The following IL12A variants were observed in gnomAD, a reference collection of about 807,000 sequenced individuals.
IL12A encodes the protein interleukin 12A.
IL12A carries 16 observed loss-of-function variants against 23.5 expected under a neutral mutation model. The observed-to-expected ratio is 0.68, with a 90% confidence interval of 0.46 to 1.03. The LOEUF (loss-of-function observed/expected upper bound fraction) is 1.03. Among genes scored for constraint, IL12A ranks in the 50% least tolerant of loss-of-function variants. The pLI is 0.00. For synonymous variants in IL12A, 106 were observed against 111.5 expected (o/e 0.95, Z 0.31); for missense variants, 275 against 307.0 (o/e 0.90, Z 0.78).
At chr3:159,994,578 T>TTGTGTG (rs1720429684) in intron 6 of IL12A, among the ~76,000 whole-genome samples, 1 of 90,534 alleles carries the variant, frequency 1.1e-5, no homozygotes, top group Non-Finnish European at 2.4e-5. Flanking sequence ...TTTATTCTTT[T>TTGTGTG]CGTGTGTGTG....
intron 6 of IL12A, 59 bp downstream of exon 6, chr3:159,993,903 G>A (rs988377448): frequency 6.4e-7 from 1 of 1,569,600 alleles, no homozygotes; most frequent in Non-Finnish European, 8.7e-7. Context: ...ACCAGCCAGG[G>A]TCTTTGATAA....
At chr3:159,991,083 A>G (rs1019611168) in intron 2 of IL12A, among the ~76,000 whole-genome samples, 27 of 152,294 alleles carry the variant, frequency 1.8e-4, no homozygotes, top group African/African-American at 4.3e-4. Flanking sequence ...TCCCCTTTCA[A>G]TCTTTCATAA....
In IL12A at chr3:159,993,479, C is replaced by T. The variant is rs1315907932; in HGVS notation, c.407C>T (p.Thr136Ile). The change falls in exon 4 of 7, where the codon ACC becomes ATC. Residue 136 changes from threonine to isoleucine, a missense_variant. Transcript: ENST00000305579. ...GAGAGTTGCCTAAATTCCAGAGAGACCTCTTTCATAACTGTAAGTCAAAAA... is the reference window on the plus strand; with the variant it reads ...GAGAGTTGCCTAAATTCCAGAGAGATCTCTTTCATAACTGTAAGTCAAAAA... The T allele has an allele frequency of 1.9e-6, 3 of 1,612,914 alleles. No homozygotes were observed. The highest frequency in any genetic ancestry group is 2.5e-6 in the Non-Finnish European group (3 of 1,178,980).
intron 6 of IL12A, among the ~76,000 whole-genome samples, chr3:159,995,097 T>G (rs1007892780): frequency 1.3e-5 from 2 of 152,164 alleles, no homozygotes; most frequent in South Asian, 4.1e-4. Flanking sequence ...ATTAATTAGA[T>G]ATTGCAGCAG....
Position 159,990,207 on chromosome 3 carries a change from C to T in IL12A, c.159C>T (p.Leu53=), listed in dbSNP as rs1318535700. The T allele has an allele frequency of 6.2e-7, 1 of 1,614,110 alleles. No homozygotes were observed. Among genetic ancestry groups the T allele is most frequent in the Non-Finnish European group, 8.5e-7 (1 of 1,180,010 alleles). The stretch of plus-strand genomic sequence containing the variant: ...CTACCCTGGTCCTCCTGGACCACCT[C>T]AGTTTGGCCAGAAACCTCCCCGTGG... The change falls in exon 2 of 7, where the codon CTC becomes CTT. Residue 53 remains leucine (L), a synonymous_variant. Transcript: ENST00000305579.
chr3:159,989,481 C>T lies in IL12A; in HGVS notation c.118+307C>T, dbSNP rs540264423. Among the ~76,000 whole-genome samples the T allele has an allele frequency of 3.9e-5, 6 of 152,304 alleles. No individual in the cohort carries two copies. In the East Asian group the frequency reaches 1.2e-3, roughly 29 times the overall value. On this transcript the variant is annotated intron_variant, in intron 1 of 6. Transcript: ENST00000305579. ...CTACAAACAGAAGGCAGATCCTAGC[C>T]AGTTCTAAAGTCAGGCTTGGCCGGG... is the stretch of plus-strand genomic sequence containing the variant.
Position 159,989,195 on chromosome 3 carries a change from G to C in IL12A, c.118+21G>C, listed in dbSNP as rs141519443. On this transcript the variant is annotated intron_variant, in intron 1 of 6. Coordinates refer to ENST00000305579, the MANE Select transcript of IL12A (RefSeq NM_000882.4). ...GCGCAGTGAGTACTCAGCCCGCCAG[G>C]TCTTTGGCTCGCTCGGGTGCGGAGG... 375 of 1,598,132 alleles carry C rather than the reference G, an allele frequency of 2.3e-4. 1 individual carries two copies. In the African/African-American group the frequency reaches 4.5e-3, roughly 19 times the overall value.
intron 2 of IL12A, 78 bp downstream of exon 2, chr3:159,990,390 C>A: frequency 1.4e-6 from 2 of 1,403,130 alleles, no homozygotes; most frequent in Non-Finnish European, 2.0e-6. Context: ...CCTCTGGTAC[C>A]TGATGGAACT....
intron 6 of IL12A, chr3:159,994,114 A>G: frequency 2.6e-6 from 1 of 383,332 alleles, no homozygotes; most frequent in South Asian, 3.3e-5. Context: ...TCAGCCTCAA[A>G]ACAACCATAT....
At chr3:159,992,145 C>G (rs1157190059) in intron 2 of IL12A, among the ~76,000 whole-genome samples, 1 of 152,190 alleles carries the variant, frequency 6.6e-6, no homozygotes, top group Non-Finnish European at 1.5e-5. Flanking sequence ...TTGGCTCATG[C>G]TGTTACCTCT....
chr3:159,993,236 C>A, intron 3 of IL12A, 111 bp downstream of exon 3: 1 of 754,564 alleles, frequency 1.3e-6, no homozygotes, highest in Non-Finnish European at 2.2e-6. Flanking sequence ...GGGATTTTAA[C>A]TGGTCCTACT....
chr3:159,989,693 A>G (rs1577555663), intron 1 of IL12A, among the ~76,000 whole-genome samples: 1 of 152,304 alleles, frequency 6.6e-6, no homozygotes, highest in South Asian at 2.1e-4. Context: ...TAAGGCAGGG[A>G]AAATTGCTTG....
In IL12A at chr3:159,993,453, T is replaced by C; in HGVS notation, c.381T>C (p.Asn127=). ...GATATATGATTTTTTCCCTCTAGAA[T>C]GAGAGTTGCCTAAATTCCAGAGAGA... Residue 127 remains asparagine, a splice_region_variant and synonymous_variant, in exon 4 of 7, where the codon AAT becomes AAC. Transcript: ENST00000305579. The C allele has an allele frequency of 6.2e-7, 1 of 1,607,130 alleles. No homozygotes were observed. Among genetic ancestry groups the C allele is most frequent in the Non-Finnish European group, 8.5e-7 (1 of 1,173,792 alleles).
chr3:159,990,192 C>T lies in IL12A; in HGVS notation c.144C>T (p.Val48=), dbSNP rs1304650224. 6.2e-7 allele frequency: 1 copy of T among 1,614,132 alleles called. No homozygotes were observed. The highest frequency in any genetic ancestry group is 1.1e-5 in the South Asian group (1 of 91,072). ...GCCTCCTCCTTGTGGCTACCCTGGT[C>T]CTCCTGGACCACCTCAGTTTGGCCA... The change falls in exon 2 of 7, where the codon GTC becomes GTT. Residue 48 remains valine (V), a synonymous_variant. Transcript: ENST00000305579.
Position 159,989,150 on chromosome 3 carries a change from C to T in IL12A, c.94C>T (p.Arg32Trp), listed in dbSNP as rs1397913686. Reference sequence around the variant, plus strand: ...GGCTCGCCCTGTGTCCCTGCAGTGCCGGCTCAGCATGTGTCCAGCGCGCAG... The same window carrying T: ...GGCTCGCCCTGTGTCCCTGCAGTGCTGGCTCAGCATGTGTCCAGCGCGCAG... The change falls in exon 1 of 7, where the codon CGG (arginine) becomes TGG (tryptophan). Residue 32 changes from arginine (R) to tryptophan (W), a missense_variant. By Grantham distance (101) the Arg-to-Trp change is moderately radical. Transcript: ENST00000305579. 1.9e-6 allele frequency: 3 copies of T among 1,612,070 alleles called. No individual in the cohort carries two copies. In the South Asian group the frequency reaches 3.3e-5, roughly 18 times the overall value.
chr3:159,990,435 A>T, intron 2 of IL12A, 123 bp downstream of exon 2: 1 of 984,646 alleles, frequency 1.0e-6, no homozygotes, highest in Non-Finnish European at 1.5e-6. Flanking sequence ...AGCAGCTGTC[A>T]ACAGCAGGAG....
chr3:159,995,798 TAGA>T lies in IL12A; in HGVS notation c.*242_*244del. On this transcript the variant is annotated 3_prime_UTR_variant, in exon 7 of 7. Coordinates refer to ENST00000305579, the MANE Select transcript of IL12A (RefSeq NM_000882.4). Reference sequence around the variant, plus strand: ...TGAAGGTGTTTTTCATTCACTTTAATAGAAGGGCAAATATTTATAAGCTATTTC... The same window carrying T: ...TGAAGGTGTTTTTCATTCACTTTAATAGGGCAAATATTTATAAGCTATTTC... 3.3e-6 allele frequency: 1 copy of T among 304,444 alleles called. No individual in the cohort carries two copies. The highest frequency in any genetic ancestry group is 6.0e-6 in the Non-Finnish European group (1 of 167,494). The allele number at this position is 304,444 out of a possible 1,614,324, so 18.9% of individuals were successfully genotyped here. A position where few individuals can be genotyped will look rare whatever the true frequency, so the allele number is the denominator to read the frequency against.
Position 159,993,095 on chromosome 3 carries a change from G to T in IL12A, c.348G>T (p.Val116=). The T allele has an allele frequency of 6.3e-7, 1 of 1,598,836 alleles. No homozygotes were observed. Residue 116 remains valine, a synonymous_variant, in exon 3 of 7, where the codon GTG becomes GTT. Coordinates refer to ENST00000305579, the MANE Select transcript of IL12A (RefSeq NM_000882.4). ...TCACAAAAGATAAAACCAGCACAGT[G>T]GAGGCCTGTTTACCATTGGAATTAA...
Position 159,988,917 on chromosome 3 carries a change from G to A in IL12A, c.-140G>A. On this transcript the variant is annotated 5_prime_UTR_variant, in exon 1 of 7. Transcript: ENST00000305579. Reference sequence around the variant, plus strand: ...GGCCGGGCACCCCGGGAGTTAATCCGAAAGCGCCGCAAGCCCCGCGGGCCG... The same window carrying A: ...GGCCGGGCACCCCGGGAGTTAATCCAAAAGCGCCGCAAGCCCCGCGGGCCG... The A allele has an allele frequency of 4.2e-6, 3 of 717,814 alleles. No homozygotes were observed. The highest frequency in any genetic ancestry group is 2.5e-4 in the Middle Eastern group (1 of 4,078). 44.5% of individuals were successfully genotyped at this position (717,814 alleles called of 1,614,324 possible).
Sources: gnomAD v4.1 joint callset for allele counts (sites outside exome capture counted in the v4.1 genomes callset) on GRCh38, gnomAD v4.1.1 for gene constraint, MANE v1.5 for transcripts, NCBI Gene and HGNC (gene_info 2026-07-23, HGNC 2026-07-21) for gene names.